Variants in SEMA3E observed in about 807,000 individuals in gnomAD.
SEMA3E encodes semaphorin 3E.
A neutral mutation model predicts 93.6 loss-of-function variants in SEMA3E; 49 were observed. The observed-to-expected ratio is 0.52, with a 90% CI of 0.42 to 0.66. The LOEUF is 0.66. Among genes scored for constraint, SEMA3E ranks in the 30% least tolerant of loss-of-function variants. SEMA3E has a pLI of 0.00. For synonymous variants in SEMA3E, 363 were observed against 330.7 expected, an observed-to-expected ratio of 1.10 and a Z score of -1.06; for missense variants, 906 against 964.8, an observed-to-expected ratio of 0.94 and a Z score of 0.81.
At chr7:83,490,793 G>A (rs1482724507) in intron 1 of SEMA3E, among the ~76,000 whole-genome samples, 1 of 152,036 alleles carries the variant, frequency 6.6e-6, no homozygotes, top group Non-Finnish European at 1.5e-5. Context: ...GATAAAACTG[G>A]TGGGAATATA....
At chr7:83,626,932 C>T (rs1793681898) in intron 1 of SEMA3E, among the ~76,000 whole-genome samples, 1 of 152,138 alleles carries the variant, frequency 6.6e-6, no homozygotes, top group African/African-American at 2.4e-5. Context: ...TTTCAAAGAA[C>T]TTATTTATTT....
At chr7:83,470,983 C>T (rs1464519283) in intron 2 of SEMA3E, among the ~76,000 whole-genome samples, 1 of 150,842 alleles carries the variant, frequency 6.6e-6, no homozygotes, top group Non-Finnish European at 1.5e-5. Flanking sequence ...ACATTTTCTA[C>T]ATAGTTACAA....
chr7:83,398,405 A>C (rs945198814), intron 11 of SEMA3E, among the ~76,000 whole-genome samples: 22 of 152,194 alleles, frequency 1.4e-4, no homozygotes, highest in African/African-American at 4.6e-4. Flanking sequence ...AATTACTTTT[A>C]TCAAATATTA....
At chr7:83,494,622 C>T (rs965896491) in intron 1 of SEMA3E, among the ~76,000 whole-genome samples, 6 of 151,882 alleles carry the variant, frequency 4.0e-5, no homozygotes, top group African/African-American at 7.2e-5. Flanking sequence ...AATCGGAAAA[C>T]AAACAGAAGC....
intron 1 of SEMA3E, among the ~76,000 whole-genome samples, chr7:83,569,753 G>C (rs1289737466): frequency 6.6e-6 from 1 of 152,180 alleles, no homozygotes; most frequent in Non-Finnish European, 1.5e-5. Context: ...CCTTGACTAT[G>C]ACAGCCACAC....
chr7:83,526,566 G>A (rs547170998), intron 1 of SEMA3E, among the ~76,000 whole-genome samples: 2 of 152,066 alleles, frequency 1.3e-5, no homozygotes, highest in Admixed American at 6.6e-5. Flanking sequence ...AGCTTTGGAG[G>A]AGATTCCATG....
At chr7:83,623,978 G>C (rs1270392893) in intron 1 of SEMA3E, among the ~76,000 whole-genome samples, 1 of 148,434 alleles carries the variant, frequency 6.7e-6, no homozygotes, top group East Asian at 2.0e-4. Flanking sequence ...TACAATGTTT[G>C]GTTTTCTGTT....
chr7:83,523,808 C>G (rs754171128), intron 1 of SEMA3E, among the ~76,000 whole-genome samples: 1 of 151,902 alleles, frequency 6.6e-6, no homozygotes, highest in African/African-American at 2.4e-5. Flanking sequence ...ATAATATACA[C>G]GTATTTTTCT....
At chr7:83,566,376 C>T (rs1377853282) in intron 1 of SEMA3E, among the ~76,000 whole-genome samples, 1 of 151,980 alleles carries the variant, frequency 6.6e-6, no homozygotes, top group Non-Finnish European at 1.5e-5. Context: ...GTTATTGCAA[C>T]CTTATAATCA....
rs1397001288 is a variant in SEMA3E at position 83,648,621 on chromosome 7, G to A, written c.-79C>T. 3.8e-6 allele frequency: 4 copies of A among 1,045,592 alleles called. No homozygotes were observed. The highest frequency in any genetic ancestry group is 5.9e-6 in the Non-Finnish European group (4 of 679,742). The allele number at this position is 1,045,592 out of a possible 1,614,324, so 64.8% of individuals were successfully genotyped here. A position where few individuals can be genotyped will look rare whatever the true frequency, so the allele number is the denominator to read the frequency against. ...TTTTACTTAGGACTTCCCTCCAGGGGCAGCGTGCGAGAGGCTTTGTCAGAA... is the reference window on the plus strand; with the variant it reads ...TTTTACTTAGGACTTCCCTCCAGGGACAGCGTGCGAGAGGCTTTGTCAGAA... On this transcript the variant is annotated 5_prime_UTR_variant, in exon 1 of 17. Coordinates refer to ENST00000643230, the MANE Select transcript of SEMA3E (RefSeq NM_012431.3).
In SEMA3E at chr7:83,491,217, C is replaced by G. The variant is rs563863328; in HGVS notation, c.116-943G>C. Among the ~76,000 whole-genome samples, 49 of 152,190 alleles carry G rather than the reference C, an allele frequency of 3.2e-4. No individual in the cohort carries two copies. In the South Asian group the frequency reaches 9.7e-3, roughly 30 times the overall value. ...AGTAGGACAAATCTACAGCACTGTG[C>G]CCACTCTTACACTTTTTGTTTCTGA... On this transcript the variant is annotated intron_variant, in intron 1 of 16. Transcript: ENST00000643230.
intron 1 of SEMA3E, among the ~76,000 whole-genome samples, chr7:83,614,677 G>A (rs1793329223): frequency 6.6e-6 from 1 of 152,092 alleles, no homozygotes; most frequent in South Asian, 2.1e-4. Context: ...TTGGGACCCA[G>A]GGTGACAGAA....
chr7:83,566,504 C>T (rs1176036111), intron 1 of SEMA3E, among the ~76,000 whole-genome samples: 2 of 151,986 alleles, frequency 1.3e-5, no homozygotes, highest in Admixed American at 6.6e-5. Flanking sequence ...TTAATATGAC[C>T]TAATATGGTA....
At chr7:83,409,240 ATAACT>A (rs1352888954) in intron 5 of SEMA3E, among the ~76,000 whole-genome samples, 1 of 152,196 alleles carries the variant, frequency 6.6e-6, no homozygotes, top group African/African-American at 2.4e-5. Context: ...AGACATTAAA[ATAACT>A]TAAGGGAGAG....
chr7:83,628,497 T>C (rs1793720907), intron 1 of SEMA3E, among the ~76,000 whole-genome samples: 1 of 151,986 alleles, frequency 6.6e-6, no homozygotes, highest in Admixed American at 6.6e-5. Context: ...TTTCTTTCTT[T>C]TTTCTCTAAT....
intron 4 of SEMA3E, among the ~76,000 whole-genome samples, chr7:83,432,281 T>TG (rs951481215): frequency 6.6e-6 from 1 of 152,064 alleles, no homozygotes; most frequent in Non-Finnish European, 1.5e-5. Flanking sequence ...GGTTTTTTTT[T>TG]TTGTTGTGTG....
At chr7:83,431,287 T>C (rs1053706029) in intron 4 of SEMA3E, among the ~76,000 whole-genome samples, 6 of 151,950 alleles carry the variant, frequency 3.9e-5, no homozygotes, top group Admixed American at 2.6e-4. Context: ...TCTCTCTGTA[T>C]CTGAAATGTA....
intron 1 of SEMA3E, among the ~76,000 whole-genome samples, chr7:83,639,981 G>A (rs1483711908): frequency 6.6e-6 from 1 of 152,018 alleles, no homozygotes; most frequent in Non-Finnish European, 1.5e-5. Flanking sequence ...AAGCAATCAG[G>A]AGGAGTAAAC....
At chr7:83,421,341 A>T (rs577243359) in intron 4 of SEMA3E, among the ~76,000 whole-genome samples, 1 of 141,878 alleles carries the variant, frequency 7.0e-6, no homozygotes, top group East Asian at 1.9e-4. Context: ...ATGAAAATTA[A>T]TATTTTCATG....
Sources: allele counts gnomAD v4.1 joint callset (sites outside exome capture counted in the v4.1 genomes callset), GRCh38; gene constraint gnomAD v4.1.1; transcripts MANE v1.5; gene names NCBI Gene and HGNC (gene_info 2026-07-23, HGNC 2026-07-21).